The following SLIT2 variants were observed in gnomAD, a reference collection of about 807,000 sequenced individuals.
SLIT2 encodes the protein slit homolog 2 protein.
Under a neutral mutation model 185.7 loss-of-function variants are expected in SLIT2, and 41 were observed. The observed-to-expected ratio is 0.22, with a 90% confidence interval of 0.17 to 0.29. The LOEUF (loss-of-function observed/expected upper bound fraction) is 0.29. SLIT2 is among the 10% of genes least tolerant of loss of function. The pLI is 1.00. For missense variants in SLIT2, 1,571 were observed against 1,909.0 expected (o/e 0.82, Z 3.30); for synonymous variants, 693 against 680.2 (o/e 1.02, Z -0.29).
intron 4 of SLIT2, among the ~76,000 whole-genome samples, chr4:20,337,700 C>A (rs533498253): frequency 1.3e-5 from 2 of 152,090 alleles, no homozygotes; most frequent in South Asian, 2.1e-4. Context: ...ATAAACTAAG[C>A]CAAAATTGGG....
At position 20,313,455 on chromosome 4, in the gene SLIT2, A is replaced by G. The variant is rs149639917; in HGVS notation, c.395+44574A>G. Among the ~76,000 whole-genome samples the G allele has an allele frequency of 2.6e-4, 40 of 152,294 alleles. 1 individual carries two copies. The East Asian group carries it at 2.9e-3, about 11-fold the overall frequency. On this transcript the variant is annotated intron_variant, in intron 4 of 36. Coordinates refer to ENST00000504154, the MANE Select transcript of SLIT2 (RefSeq NM_004787.4). ...CATGAGGGACCCACCCCTGTCATCA[A>G]GTCAGCTCCCACTAGGTCCCACCTC...
chr4:20,569,027 T>A (rs1454379146), intron 29 of SLIT2, 23 bp downstream of exon 29: 1 of 1,607,120 alleles, frequency 6.2e-7, no homozygotes, highest in East Asian at 2.2e-5. Flanking sequence ...GGAAATATTT[T>A]GCCTTCCATC....
At chr4:20,424,504 G>T (rs944877028) in intron 4 of SLIT2, among the ~76,000 whole-genome samples, 3 of 151,970 alleles carry the variant, frequency 2.0e-5, no homozygotes, top group African/African-American at 7.2e-5. Flanking sequence ...CTCAAATACT[G>T]TAGTAACCAT....
intron 4 of SLIT2, among the ~76,000 whole-genome samples, chr4:20,354,902 T>A (rs1194674001): frequency 0.01 from 1,111 of 106,354 alleles, 22 homozygotes; most frequent in African/African-American, 0.031. Flanking sequence ...TGTGTGTGTG[T>A]GTGTGAGAGA....
chr4:20,510,641 A>C (rs1719617628), intron 10 of SLIT2, 75 bp downstream of exon 10: 1 of 882,062 alleles, frequency 1.1e-6, no homozygotes, highest in Admixed American at 1.9e-5. Context: ...AAGAAACTTA[A>C]GTATGAGTAT....
At chr4:20,422,913 C>G (rs1336085579) in intron 4 of SLIT2, among the ~76,000 whole-genome samples, 1 of 151,882 alleles carries the variant, frequency 6.6e-6, no homozygotes, top group African/African-American at 2.4e-5. Flanking sequence ...TTAACTTTAG[C>G]CACTCTATTT....
In SLIT2 at chr4:20,617,120, G is replaced by C. The variant is rs146014124; in HGVS notation, c.4058G>C (p.Gly1353Ala). The C allele has an allele frequency of 2.5e-6, 4 of 1,610,654 alleles. No individual in the cohort carries two copies. The Admixed American group carries it at 5.0e-5, about 20-fold the overall frequency. The change falls in exon 35 of 37, where the codon GGC becomes GCC. Residue 1353 changes from glycine to alanine, a missense_variant. This residue lies in a region of SLIT2 where 223 missense variants were observed against 245.2 expected (regional missense o/e 0.91). Coordinates refer to ENST00000504154, the MANE Select transcript of SLIT2 (RefSeq NM_004787.4). ...HGTCQPSSQA[G>A]FTCECQEGWM... ...ACATGCCAGCCCAGCAGCCAGGCAG[G>C]CTTCACCTGCGAGTGCCAGGAAGGA...
At chr4:20,600,000 T>C (rs778339842) in intron 33 of SLIT2, among the ~76,000 whole-genome samples, 12 of 152,202 alleles carry the variant, frequency 7.9e-5, no homozygotes, top group Non-Finnish European at 1.8e-4. Context: ...CACATAATTA[T>C]TGGTTTCCAA....
At position 20,274,941 on chromosome 4, in the gene SLIT2, G is replaced by A. The variant is rs987919847; in HGVS notation, c.395+6060G>A. On this transcript the variant is annotated intron_variant, in intron 4 of 36. Transcript: ENST00000504154. Reference sequence around the variant, plus strand: ...TTTGTGGGCCTCAGCTGTTGCTAACGTCTGACCTATACTGCGTGAATTAAT... The same window carrying A: ...TTTGTGGGCCTCAGCTGTTGCTAACATCTGACCTATACTGCGTGAATTAAT... 5.3e-5 allele frequency among the ~76,000 whole-genome samples: 8 copies of A among 152,176 alleles called. No individual in the cohort carries two copies. The East Asian group carries it at 7.7e-4, about 15-fold the overall frequency.
At chr4:20,322,361 C>T (rs1053425275) in intron 4 of SLIT2, among the ~76,000 whole-genome samples, 13 of 152,004 alleles carry the variant, frequency 8.6e-5, no homozygotes, top group African/African-American at 3.1e-4. Flanking sequence ...GGTCCAGAAA[C>T]GCAGGACAAC....
At chr4:20,334,254 G>C (rs963024677) in intron 4 of SLIT2, among the ~76,000 whole-genome samples, 2 of 152,066 alleles carry the variant, frequency 1.3e-5, no homozygotes, top group African/African-American at 4.8e-5. Context: ...AGAACTGTTT[G>C]CTTCATTCGG....
chr4:20,556,540 G>T lies in SLIT2; in HGVS notation c.2725+2572G>T, dbSNP rs958297919. Among the ~76,000 whole-genome samples the T allele has an allele frequency of 5.9e-5, 9 of 151,924 alleles. No individual in the cohort carries two copies. The East Asian group carries it at 1.7e-3, about 29-fold the overall frequency. Reference sequence around the variant, plus strand: ...AGAGCATCACAGTTTACACTAATTTGTGAAATGCTCTTGGAAGTCCAAGAT... The same window carrying T: ...AGAGCATCACAGTTTACACTAATTTTTGAAATGCTCTTGGAAGTCCAAGAT... On this transcript the variant is annotated intron_variant, in intron 26 of 36. Transcript: ENST00000504154.
At position 20,532,001 on chromosome 4, in the gene SLIT2, A is replaced by T. The variant is rs1202363503; in HGVS notation, c.1631A>T (p.Glu544Val). The change falls in exon 17 of 37, where the codon GAA (glutamate) becomes GTA (valine). Residue 544 changes from glutamate (E) to valine (V), a missense_variant. Coordinates refer to ENST00000504154, the MANE Select transcript of SLIT2 (RefSeq NM_004787.4). The part of the protein sequence containing the change: ...YTAELRLNNN[E>V]FTVLEATGIF... The stretch of plus-strand genomic sequence containing the variant: ...TTCTTCAGGCGTCTCAATAATAATG[A>T]ATTTACCGTGTTGGAAGCCACAGGA... 6 of 1,579,516 alleles carry T rather than the reference A, an allele frequency of 3.8e-6. No homozygotes were observed. Among genetic ancestry groups the T allele is most frequent in the Non-Finnish European group, 5.1e-6 (6 of 1,168,468 alleles).
At chr4:20,490,672 AT>A in intron 8 of SLIT2, 1 of 644,666 alleles carries the variant, frequency 1.6e-6, no homozygotes, top group Non-Finnish European at 2.6e-6. Flanking sequence ...CCTAAGAAAA[AT>A]TTTTGTATAA....
At chr4:20,290,755 GT>G (rs11438198) in intron 4 of SLIT2, among the ~76,000 whole-genome samples, 1,800 of 141,664 alleles carry the variant, frequency 0.013, 14 homozygotes, top group Middle Eastern at 0.04. Context: ...TGTTTTCATG[GT>G]TTTTTTTTTT....
At position 20,568,929 on chromosome 4, in the gene SLIT2, A is replaced by G; in HGVS notation, c.3013A>G (p.Asn1005Asp). 1 of 1,612,322 alleles carries G rather than the reference A, an allele frequency of 6.2e-7. No individual in the cohort carries two copies. Among genetic ancestry groups the G allele is most frequent in the Non-Finnish European group, 8.5e-7 (1 of 1,178,586 alleles). The change falls in exon 29 of 37, where the codon AAT (asparagine) becomes GAT (aspartate). Residue 1005 changes from asparagine to aspartate, a missense_variant. Asn to Asp is a conservative substitution (Grantham distance 23). Around this residue, in one of 3 missense-constraint regions of SLIT2, gnomAD observed 1,202 missense variants for 1,416.4 expected, o/e 0.85. Coordinates refer to ENST00000504154, the MANE Select transcript of SLIT2 (RefSeq NM_004787.4). The stretch of plus-strand genomic sequence containing the variant: ...AGTCAACGTTGATGATTGTGAAGAT[A>G]ATGACTGTGAAAATAATTCTACATG... ...CEVNVDDCED[N>D]DCENNSTCVD...
At chr4:20,604,435 T>C (rs113101406) in intron 33 of SLIT2, among the ~76,000 whole-genome samples, 7 of 151,384 alleles carry the variant, frequency 4.6e-5, no homozygotes, top group African/African-American at 1.5e-4. Context: ...CTGCAAGCTC[T>C]GCCACCCGGG....
chr4:20,559,342 A>G (rs757836095), intron 26 of SLIT2, among the ~76,000 whole-genome samples: 1 of 152,004 alleles, frequency 6.6e-6, no homozygotes, highest in African/African-American at 2.4e-5. Flanking sequence ...GACTCAATCA[A>G]TATAGTTGCA....
chr4:20,416,917 C>T (rs1727733712), intron 4 of SLIT2, among the ~76,000 whole-genome samples: 1 of 151,804 alleles, frequency 6.6e-6, no homozygotes, highest in Non-Finnish European at 1.5e-5. Flanking sequence ...TTCTTCCAGC[C>T]ACAGGAAATT....
Sources: allele counts gnomAD v4.1 joint callset (sites outside exome capture counted in the v4.1 genomes callset), GRCh38; gene constraint gnomAD v4.1.1; regional missense constraint gnomAD v4.1.1; transcripts MANE v1.5; gene names NCBI Gene and HGNC (gene_info 2026-07-23, HGNC 2026-07-21).